The following TRIM24 variants were observed in gnomAD, a reference collection of about 807,000 sequenced individuals.
TRIM24 encodes tripartite motif containing 24, also known as transcription intermediary factor 1-alpha.
TRIM24 carries 29 observed loss-of-function variants against 123.9 expected under a neutral mutation model. The observed-to-expected ratio is 0.23, with a 90% CI of 0.17 to 0.32. TRIM24 has a LOEUF of 0.32. Ranked by LOEUF, TRIM24 falls within the 10% of genes least tolerant of loss-of-function variation. TRIM24 has a pLI of 1.00. For synonymous variants in TRIM24, 456 were observed against 461.1 expected (o/e 0.99, Z 0.14); for missense variants, 932 against 1,295.3 (o/e 0.72, Z 4.31).
At chr7:138,497,389 A>ATTTC (rs1795933256) in intron 1 of TRIM24, among the ~76,000 whole-genome samples, 1 of 123,854 alleles carries the variant, frequency 8.1e-6, no homozygotes, top group Non-Finnish European at 1.7e-5. Flanking sequence ...TTCAATTACA[A>ATTTC]TTTCTTTTTT....
chr7:138,486,110 T>C (rs189352792), intron 1 of TRIM24, among the ~76,000 whole-genome samples: 142 of 152,364 alleles, frequency 9.3e-4, no homozygotes, highest in South Asian at 1.9e-3. Flanking sequence ...GCATTTTTCA[T>C]GTGTCCGTTG....
Position 138,580,690 on chromosome 7 carries a change from A to C in TRIM24, c.2714A>C (p.Lys905Thr). The C allele has an allele frequency of 1.2e-6, 2 of 1,612,966 alleles. No homozygotes were observed. The highest frequency in any genetic ancestry group is 1.7e-6 in the Non-Finnish European group (2 of 1,179,512). ...EGLVKLTPID[K>T]RKCERLLLFL... ...CTTGTTAAGTTAACACCTATAGATA[A>C]AAGGGTAAGTCTTTGGTAAGATGCA... Residue 905 changes from lysine to threonine, a missense_variant, in exon 16 of 19, where the codon AAA becomes ACA. This residue lies in a region of TRIM24 where 45 missense variants were observed against 56.6 expected (regional missense o/e 0.80). Coordinates refer to ENST00000343526, the MANE Select transcript of TRIM24 (RefSeq NM_015905.3).
At chr7:138,530,770 C>G (rs528936662) in intron 6 of TRIM24, among the ~76,000 whole-genome samples, 9 of 152,082 alleles carry the variant, frequency 5.9e-5, no homozygotes, top group Admixed American at 2.6e-4. Flanking sequence ...CCTTGCCCCC[C>G]CTTTGTTTTT....
intron 1 of TRIM24, among the ~76,000 whole-genome samples, chr7:138,486,191 A>AT (rs1463133507): frequency 6.6e-6 from 1 of 151,712 alleles, no homozygotes; most frequent in East Asian, 1.9e-4. Flanking sequence ...GGGTTGTTTG[A>AT]TTTTTTTCTT....
intron 5 of TRIM24, among the ~76,000 whole-genome samples, chr7:138,526,619 C>T (rs1046453277): frequency 4.6e-5 from 7 of 152,034 alleles, no homozygotes; most frequent in African/African-American, 1.7e-4. Context: ...ACCATGTTGG[C>T]CAGCCTGGTC....
At chr7:138,536,543 C>G (rs1584725952) in intron 6 of TRIM24, among the ~76,000 whole-genome samples, 1 of 152,244 alleles carries the variant, frequency 6.6e-6, no homozygotes, top group Non-Finnish European at 1.5e-5. Flanking sequence ...TATTGCTGAA[C>G]AGCAAATGTT....
chr7:138,567,724 C>T lies in TRIM24; in HGVS notation c.1704+70C>T, dbSNP rs10241288. 4.6e-3 allele frequency: 6,746 copies of T among 1,451,746 alleles called. 215 individuals are homozygous for T. In the African/African-American group the frequency reaches 0.076, roughly 16 times the overall value. 89.9% of individuals were successfully genotyped at this position (1,451,746 alleles called of 1,614,324 possible). ...CTACTTTCAAATCACAAAGAATTTACAGATTAAGCAACAGGTTATAAAGAG... is the reference window on the plus strand; with the variant it reads ...CTACTTTCAAATCACAAAGAATTTATAGATTAAGCAACAGGTTATAAAGAG... On this transcript the variant is annotated intron_variant, in intron 10 of 18. Transcript: ENST00000343526.
At chr7:138,528,357 G>A (rs988901248) in intron 5 of TRIM24, among the ~76,000 whole-genome samples, 1 of 152,142 alleles carries the variant, frequency 6.6e-6, no homozygotes. Context: ...GGGAGTGCTG[G>A]GAGAGTCTTC....
rs1260261280 is a variant in TRIM24, at chr7:138,460,397, C to G, written c.-152C>G. Reference sequence around the variant, plus strand: ...GGATCCCGTGGGCCTGAGGAGGCTTCCCCCGCCCGGTTTGCTTTCCCTCCC... The same window carrying G: ...GGATCCCGTGGGCCTGAGGAGGCTTGCCCCGCCCGGTTTGCTTTCCCTCCC... On this transcript the variant is annotated 5_prime_UTR_variant, in exon 1 of 19. Transcript: ENST00000343526. 1.2e-6 allele frequency: 1 copy of G among 821,102 alleles called. No individual in the cohort carries two copies. The highest frequency in any genetic ancestry group is 1.8e-5 in the African/African-American group (1 of 56,148). 50.9% of individuals were successfully genotyped at this position (821,102 alleles called of 1,614,324 possible).
intron 6 of TRIM24, among the ~76,000 whole-genome samples, chr7:138,529,724 T>G (rs537764458): frequency 1.3e-5 from 2 of 152,338 alleles, no homozygotes; most frequent in South Asian, 4.1e-4. Context: ...GGCACTTAGT[T>G]GTTTCTCACT....
intron 2 of TRIM24, among the ~76,000 whole-genome samples, chr7:138,510,175 G>A (rs1298604162): frequency 6.6e-6 from 1 of 152,212 alleles, no homozygotes; most frequent in African/African-American, 2.4e-5. Flanking sequence ...AGAATCAAGT[G>A]CCTTCTTCTG....
At chr7:138,575,690 T>TTCAAA (rs1323278359) in intron 12 of TRIM24, among the ~76,000 whole-genome samples, 1 of 152,136 alleles carries the variant, frequency 6.6e-6, no homozygotes, top group Non-Finnish European at 1.5e-5. Flanking sequence ...CCTTCATCAG[T>TTCAAA]TCAAATCAAT....
intron 6 of TRIM24, among the ~76,000 whole-genome samples, chr7:138,537,130 A>G (rs567598031): frequency 2.0e-5 from 3 of 152,198 alleles, no homozygotes; most frequent in African/African-American, 7.2e-5. Context: ...TCCCTTGGTT[A>G]GGAAAGGGAA....
rs769147814 is a variant in TRIM24 at position 138,460,694 on chromosome 7, G to A, written c.146G>A (p.Arg49Gln). Residue 49 changes from arginine to glutamine, a missense_variant, in exon 1 of 19, where the codon CGG becomes CAG. This residue lies in a region of TRIM24 where 164 missense variants were observed against 181.9 expected (regional missense o/e 0.90). Transcript: ENST00000343526. ...TCGGAGCGCGGCGGCGAGGCGGCCCGGCTCAACCTGTTGGACACTTGCGCC... is the reference window on the plus strand; with the variant it reads ...TCGGAGCGCGGCGGCGAGGCGGCCCAGCTCAACCTGTTGGACACTTGCGCC... Reference protein sequence around the residue: ...PDSERGGEAARLNLLDTCAVC... With the variant: ...PDSERGGEAAQLNLLDTCAVC... 4 of 1,549,584 alleles carry A rather than the reference G, an allele frequency of 2.6e-6. No individual in the cohort carries two copies. Among genetic ancestry groups the A allele is most frequent in the East Asian group, 2.7e-5 (1 of 37,324 alleles).
chr7:138,484,840 T>A (rs1795609594), intron 1 of TRIM24, among the ~76,000 whole-genome samples: 1 of 152,182 alleles, frequency 6.6e-6, no homozygotes, highest in Non-Finnish European at 1.5e-5. Flanking sequence ...TGGGAAGATT[T>A]TAACTCTGGA....
At chr7:138,555,871 A>T (rs1797306379) in intron 9 of TRIM24, among the ~76,000 whole-genome samples, 1 of 152,128 alleles carries the variant, frequency 6.6e-6, no homozygotes, top group Non-Finnish European at 1.5e-5. Flanking sequence ...GGGGGCGGAA[A>T]TCACCTTACA....
intron 2 of TRIM24, among the ~76,000 whole-genome samples, chr7:138,508,902 T>C (rs1458998885): frequency 6.6e-6 from 1 of 152,068 alleles, no homozygotes; most frequent in Non-Finnish European, 1.5e-5. Flanking sequence ...CTCATCATCA[T>C]TGAGTTGGTC....
At chr7:138,476,763 A>G (rs1266909998) in intron 1 of TRIM24, among the ~76,000 whole-genome samples, 1 of 152,200 alleles carries the variant, frequency 6.6e-6, no homozygotes, top group East Asian at 1.9e-4. Flanking sequence ...ATGCAAATGC[A>G]TTTCCTCATT....
At chr7:138,536,169 C>T (rs1796868569) in intron 6 of TRIM24, among the ~76,000 whole-genome samples, 1 of 152,162 alleles carries the variant, frequency 6.6e-6, no homozygotes, top group Non-Finnish European at 1.5e-5. Flanking sequence ...AAACTTCCTC[C>T]TTTAGCTCGG....
Sources: gnomAD v4.1 joint callset for allele counts (sites outside exome capture counted in the v4.1 genomes callset) on GRCh38, gnomAD v4.1.1 for gene constraint, gnomAD v4.1.1 regional missense constraint, MANE v1.5 for transcripts, NCBI Gene and HGNC (gene_info 2026-07-23, HGNC 2026-07-21) for gene names.